Variants in MTURN observed in about 807,000 individuals in gnomAD.
MTURN encodes the protein maturin, neural progenitor differentiation regulator homolog.
A neutral mutation model predicts 14.9 loss-of-function variants in MTURN; 7 were observed. The ratio of observed to expected loss-of-function variants is 0.47; its 90% CI spans 0.27 to 0.88. The LOEUF (loss-of-function observed/expected upper bound fraction) is 0.88. Among genes scored for constraint, MTURN ranks in the 40% least tolerant of loss-of-function variants. MTURN has a pLI of 0.14. For synonymous variants in MTURN, 69 were observed against 72.5 expected (o/e 0.95, Z 0.25); for missense variants, 151 against 174.1 (o/e 0.87, Z 0.75).
At chr7:30,135,412 T>TA (rs1004450571) in intron 1 of MTURN, 114 bp downstream of exon 1, 2 of 906,966 alleles carry the variant, frequency 2.2e-6, no homozygotes, top group African/African-American at 3.6e-5. Context: ...TGGGGGGCCG[T>TA]AACCCGCGCC....
chr7:30,149,982 G>T (rs950707947), intron 2 of MTURN, among the ~76,000 whole-genome samples: 1 of 152,170 alleles, frequency 6.6e-6, no homozygotes, highest in Non-Finnish European at 1.5e-5. Context: ...GAGGGAACAG[G>T]TACTACAGTC....
chr7:30,136,335 CG>C (rs1300387587), intron 1 of MTURN, among the ~76,000 whole-genome samples: 3 of 152,074 alleles, frequency 2.0e-5, no homozygotes, highest in African/African-American at 7.2e-5. Context: ...AGGGCGAGCA[CG>C]GTGCTCATGA....
chr7:30,138,920 C>A (rs1797007555), intron 1 of MTURN, among the ~76,000 whole-genome samples: 1 of 152,194 alleles, frequency 6.6e-6, no homozygotes, highest in African/African-American at 2.4e-5. Context: ...CTTTCCACGG[C>A]TGGCTCCTCG....
intron 2 of MTURN, among the ~76,000 whole-genome samples, chr7:30,148,572 T>C (rs1239212468): frequency 6.6e-6 from 1 of 152,160 alleles, no homozygotes; most frequent in Non-Finnish European, 1.5e-5. Flanking sequence ...GAGATAGTGG[T>C]GGCCTGGACT....
At chr7:30,139,134 G>A (rs190785222) in intron 1 of MTURN, among the ~76,000 whole-genome samples, 1 of 152,286 alleles carries the variant, frequency 6.6e-6, no homozygotes, top group East Asian at 1.9e-4. Flanking sequence ...CATACATGAT[G>A]GGTGCTCAGT....
rs889898001 is a variant in MTURN at position 30,142,094 on chromosome 7, A to C, written c.163-4083A>C. ...ATGTCTGTAGGGTTGGACTACTTTA[A>C]TGACTGGAGACCACTTTTTGATAAA... On this transcript the variant is annotated intron_variant, in intron 1 of 2. Coordinates refer to ENST00000324453, the MANE Select transcript of MTURN (RefSeq NM_152793.3). 5.3e-5 allele frequency among the ~76,000 whole-genome samples: 8 copies of C among 152,314 alleles called. No individual in the cohort carries two copies. In the East Asian group the frequency reaches 1.5e-3, roughly 29 times the overall value.
intron 1 of MTURN, 39 bp downstream of exon 1, chr7:30,135,337 G>T: frequency 5.4e-6 from 8 of 1,476,120 alleles, no homozygotes; most frequent in Non-Finnish European, 7.2e-6. Flanking sequence ...GCCGGCGGGA[G>T]TGTGGACGCG....
chr7:30,157,124 G>A (rs537369061), intron 2 of MTURN, among the ~76,000 whole-genome samples: 11 of 152,154 alleles, frequency 7.2e-5, no homozygotes, highest in East Asian at 1.9e-4. Flanking sequence ...CATTTCATAC[G>A]ACTGCTGACA....
chr7:30,155,996 T>A (rs866556066), intron 2 of MTURN, among the ~76,000 whole-genome samples: 3 of 152,160 alleles, frequency 2.0e-5, no homozygotes, highest in Non-Finnish European at 4.4e-5. Flanking sequence ...TGCTTGAAAT[T>A]GATGGCCCTG....
At chr7:30,136,429 C>T (rs1796962757) in intron 1 of MTURN, among the ~76,000 whole-genome samples, 1 of 152,124 alleles carries the variant, frequency 6.6e-6, no homozygotes, top group African/African-American at 2.4e-5. Context: ...CGTGTGGTCG[C>T]GGGCCTTGTG....
Position 30,135,188 on chromosome 7 carries a change from C to G in MTURN, c.52C>G (p.Pro18Ala). 1 of 1,501,046 alleles carries G rather than the reference C, an allele frequency of 6.7e-7. No homozygotes were observed. The highest frequency in any genetic ancestry group is 8.9e-7 in the Non-Finnish European group (1 of 1,122,714). 93.0% of individuals were successfully genotyped at this position (1,501,046 alleles called of 1,614,324 possible). ...TGCGGAGAAATGGTGCTCCAACACGCCCTTCGAGCTCATCGCCACCGAGGA... is the reference window on the plus strand; with the variant it reads ...TGCGGAGAAATGGTGCTCCAACACGGCCTTCGAGCTCATCGCCACCGAGGA... The part of the protein sequence containing the change: ...DVAEKWCSNT[P>A]FELIATEETE... The change falls in exon 1 of 3, where the codon CCC becomes GCC. Residue 18 changes from proline to alanine, a missense_variant. Coordinates refer to ENST00000324453, the MANE Select transcript of MTURN (RefSeq NM_152793.3).
intron 2 of MTURN, among the ~76,000 whole-genome samples, chr7:30,147,838 T>C (rs778575296): frequency 1.3e-5 from 2 of 152,136 alleles, no homozygotes; most frequent in Non-Finnish European, 2.9e-5. Context: ...TGAAATCCCT[T>C]TTTTGTTTGT....
At chr7:30,136,172 G>GA (rs1796957173) in intron 1 of MTURN, among the ~76,000 whole-genome samples, 1 of 152,230 alleles carries the variant, frequency 6.6e-6, no homozygotes, top group African/African-American at 2.4e-5. Context: ...AGATGACGGG[G>GA]AATCCCCTCA....
chr7:30,152,247 T>A (rs1399638172), intron 2 of MTURN, among the ~76,000 whole-genome samples: 1 of 152,074 alleles, frequency 6.6e-6, no homozygotes, highest in Non-Finnish European at 1.5e-5. Context: ...TGCCTCCTCC[T>A]GCCCATTGTG....
chr7:30,142,241 A>C (rs970249090), intron 1 of MTURN, among the ~76,000 whole-genome samples: 2 of 152,242 alleles, frequency 1.3e-5, no homozygotes, highest in African/African-American at 4.8e-5. Flanking sequence ...CTGACTTCAC[A>C]GGAAGAAGGG....
rs1478984854 is a variant in MTURN, at chr7:30,159,917, T to A, written c.*2369T>A. On this transcript the variant is annotated 3_prime_UTR_variant, in exon 3 of 3. Transcript: ENST00000324453. ...CTGTGGTTTCTGTTATGGAAATGGT[T>A]CCATGGTGAAACACATCCCTGACCC... 3.3e-5 allele frequency: 5 copies of A among 152,434 alleles called. No homozygotes were observed. The highest frequency in any genetic ancestry group is 3.3e-4 in the Admixed American group (5 of 15,288). 9.4% of individuals were successfully genotyped at this position (152,434 alleles called of 1,614,324 possible).
rs887935318 is a variant in MTURN, at chr7:30,159,094, G to T, written c.*1546G>T. ...CAGCGTACTCCAGTTTTAAGTCATC[G>T]GGTAAAATAATAGGACAGTGATTTC... On this transcript the variant is annotated 3_prime_UTR_variant, in exon 3 of 3. Transcript: ENST00000324453. 6.6e-6 allele frequency: 1 copy of T among 152,128 alleles called. No individual in the cohort carries two copies. The highest frequency in any genetic ancestry group is 1.5e-5 in the Non-Finnish European group (1 of 68,032). 9.4% of individuals were successfully genotyped at this position (152,128 alleles called of 1,614,324 possible).
intron 1 of MTURN, among the ~76,000 whole-genome samples, chr7:30,138,168 T>C (rs937162615): frequency 7.2e-5 from 11 of 152,048 alleles, no homozygotes; most frequent in African/African-American, 2.4e-4. Flanking sequence ...CAGGCTGGAG[T>C]GTAGTGGCGT....
Position 30,158,173 on chromosome 7 carries a change from G to C in MTURN, c.*625G>C, listed in dbSNP as rs1048266846. 6.6e-6 allele frequency: 1 copy of C among 152,256 alleles called. No individual in the cohort carries two copies. The highest frequency in any genetic ancestry group is 1.9e-4 in the East Asian group (1 of 5,204). 9.4% of individuals were successfully genotyped at this position (152,256 alleles called of 1,614,324 possible). ...TACCTGGGTATGTAGCGACTGGTTC[G>C]TGGTTAGGTGTAAATGTTACTTGCT... On this transcript the variant is annotated 3_prime_UTR_variant, in exon 3 of 3. Coordinates refer to ENST00000324453, the MANE Select transcript of MTURN (RefSeq NM_152793.3).
Sources: allele counts gnomAD v4.1 joint callset (sites outside exome capture counted in the v4.1 genomes callset), GRCh38; gene constraint gnomAD v4.1.1; transcripts MANE v1.5; gene names NCBI Gene and HGNC (gene_info 2026-07-23, HGNC 2026-07-21).